The following ZC3H18 variants were observed in gnomAD, a reference collection of about 807,000 sequenced individuals.
The protein encoded by ZC3H18 is zinc finger CCCH-type containing 18, also known as zinc finger CCCH domain-containing protein 18.
In ZC3H18, 8 loss-of-function variants were observed where a neutral mutation model predicts 106.1. That is an observed-to-expected ratio of 0.08 (90% confidence interval 0.04 to 0.14). The LOEUF (loss-of-function observed/expected upper bound fraction) is 0.14, where lower values mean the gene tolerates loss of function less well. Among genes scored for constraint, ZC3H18 ranks in the 10% least tolerant of loss-of-function variants. The pLI is 1.00. For missense variants in ZC3H18, 1,318 were observed against 1,278.4 expected (o/e 1.03, Z -0.47); for synonymous variants, 635 against 522.1 (o/e 1.22, Z -2.95).
At chr16:88,585,820 G>A (rs1004060447) in intron 2 of ZC3H18, among the ~76,000 whole-genome samples, 3 of 152,054 alleles carry the variant, frequency 2.0e-5, no homozygotes, top group Non-Finnish European at 4.4e-5. Context: ...ACATGGGACC[G>A]GTGAGATTGG....
chr16:88,587,621 A>G (rs1367796188), intron 3 of ZC3H18: 1 of 1,533,806 alleles, frequency 6.5e-7, no homozygotes, highest in Non-Finnish European at 8.7e-7. Flanking sequence ...AAGGTACAAA[A>G]TACGCTATAT....
intron 1 of ZC3H18, among the ~76,000 whole-genome samples, chr16:88,573,434 A>G (rs1444959962): frequency 1.3e-5 from 2 of 152,100 alleles, no homozygotes. Context: ...GTCAGTGCGT[A>G]GAGGCCTTAG....
intron 8 of ZC3H18, among the ~76,000 whole-genome samples, chr16:88,615,613 C>A (rs1013610759): frequency 1.3e-5 from 2 of 152,210 alleles, no homozygotes; most frequent in African/African-American, 4.8e-5. Flanking sequence ...TTTCCAGATT[C>A]ACAAAATAGG....
At chr16:88,587,752 G>A (rs542386805) in intron 3 of ZC3H18, 10 of 823,620 alleles carry the variant, frequency 1.2e-5, no homozygotes, top group East Asian at 5.3e-5. Flanking sequence ...AGAGCTGTTC[G>A]GAACCTCCTC....
chr16:88,583,749 A>C (rs1358785187), intron 2 of ZC3H18, among the ~76,000 whole-genome samples: 1 of 152,166 alleles, frequency 6.6e-6, no homozygotes, highest in Non-Finnish European at 1.5e-5. Flanking sequence ...ACTCACCCTC[A>C]GTGTCCACGT....
At chr16:88,617,565 C>T (rs1354982347) in intron 8 of ZC3H18, among the ~76,000 whole-genome samples, 4 of 152,214 alleles carry the variant, frequency 2.6e-5, no homozygotes, top group Non-Finnish European at 5.9e-5. Context: ...TGATTGGGGA[C>T]CTTCCCGCAG....
At chr16:88,616,508 G>A (rs1905615192) in intron 8 of ZC3H18, among the ~76,000 whole-genome samples, 2 of 152,172 alleles carry the variant, frequency 1.3e-5, no homozygotes. Flanking sequence ...ACTCACCTTT[G>A]CGGGAGCCCT....
chr16:88,624,037 C>A lies in ZC3H18; in HGVS notation c.1873C>A (p.Pro625Thr). 6.2e-7 allele frequency: 1 copy of A among 1,614,090 alleles called. No homozygotes were observed. Among genetic ancestry groups the A allele is most frequent in the Non-Finnish European group, 8.5e-7 (1 of 1,179,962 alleles). Reference sequence around the variant, plus strand: ...ACCTTCCATCAGAACCAAGGGAGAGCCGGCCCCGCCGCCCGGGAAAGCAGG... The same window carrying A: ...ACCTTCCATCAGAACCAAGGGAGAGACGGCCCCGCCGCCCGGGAAAGCAGG... ...HRPSIRTKGE[P>T]APPPGKAGEK... The change falls in exon 11 of 18, where the codon CCG becomes ACG. Residue 625 changes from proline (P) to threonine (T), a missense_variant. Around this residue, in one of 6 missense-constraint regions of ZC3H18, gnomAD observed 848 missense variants for 821.7 expected, o/e 1.03. Transcript: ENST00000301011.
chr16:88,619,872 TGA>T (rs1905854302), intron 8 of ZC3H18, among the ~76,000 whole-genome samples: 1 of 152,210 alleles, frequency 6.6e-6, no homozygotes, highest in African/African-American at 2.4e-5. Context: ...GGTGTTAGGA[TGA>T]GAGTTATACA....
chr16:88,587,854 C>T (rs1376524687), intron 3 of ZC3H18, among the ~76,000 whole-genome samples: 2 of 152,214 alleles, frequency 1.3e-5, no homozygotes, highest in Non-Finnish European at 1.5e-5. Context: ...GCAGGCTGTG[C>T]TCTTAGAGCA....
At chr16:88,605,436 AG>A (rs900316916) in intron 6 of ZC3H18, among the ~76,000 whole-genome samples, 5 of 152,248 alleles carry the variant, frequency 3.3e-5, no homozygotes, top group Admixed American at 6.5e-5. Flanking sequence ...TGAGGGCAAG[AG>A]GCAGCAGGGG....
intron 2 of ZC3H18, among the ~76,000 whole-genome samples, chr16:88,579,018 G>C (rs571345605): frequency 6.6e-6 from 1 of 152,286 alleles, no homozygotes; most frequent in African/African-American, 2.4e-5. Context: ...GCATGCTGGC[G>C]TGCGTGCTCT....
At position 88,598,657 on chromosome 16, in the gene ZC3H18, C is replaced by T. The variant is rs1428849864; in HGVS notation, c.875C>T (p.Pro292Leu). The part of the protein sequence containing the change: ...PVVDEILPPP[P>L]PEPPTESAWE... ...GTTGATGAAATTTTGCCTCCACCCC[C>T]TCCAGAGCCCCCAACAGAGAGTGCC... The change falls in exon 5 of 18, where the codon CCT (proline) becomes CTT (leucine). Residue 292 changes from proline to leucine, a missense_variant. Coordinates refer to ENST00000301011, the MANE Select transcript of ZC3H18 (RefSeq NM_144604.4). 1 of 1,613,104 alleles carries T rather than the reference C, an allele frequency of 6.2e-7. No homozygotes were observed. Among genetic ancestry groups the T allele is most frequent in the Admixed American group, 1.7e-5 (1 of 59,932 alleles).
intron 1 of ZC3H18, among the ~76,000 whole-genome samples, chr16:88,575,157 C>T (rs989189445): frequency 7.5e-6 from 1 of 133,444 alleles, no homozygotes; most frequent in Non-Finnish European, 1.6e-5. Context: ...TTAATGATTT[C>T]CATTAACAGC....
intron 3 of ZC3H18, among the ~76,000 whole-genome samples, chr16:88,594,653 G>A (rs1233349102): frequency 1.3e-5 from 2 of 152,188 alleles, no homozygotes; most frequent in Non-Finnish European, 2.9e-5. Context: ...AGGTAAAAGG[G>A]GGCAATGATT....
At chr16:88,577,805 C>G in intron 2 of ZC3H18, 79 bp downstream of exon 2, 5 of 1,602,036 alleles carry the variant, frequency 3.1e-6, no homozygotes, top group Non-Finnish European at 4.3e-6. Flanking sequence ...AGGAGGGACT[C>G]TGTGTGGGAC....
chr16:88,631,564 C>T lies in ZC3H18; in HGVS notation c.*265C>T. The stretch of plus-strand genomic sequence containing the variant: ...CGGTTCTCATGTAAATTACAAGCCC[C>T]AGCCGCCAGCCCCGCCTTCTCTTCC... On this transcript the variant is annotated 3_prime_UTR_variant, in exon 18 of 18. Coordinates refer to ENST00000301011, the MANE Select transcript of ZC3H18 (RefSeq NM_144604.4). The T allele has an allele frequency of 1.8e-6, 1 of 562,034 alleles. No individual in the cohort carries two copies. Among genetic ancestry groups the T allele is most frequent in the South Asian group, 1.5e-5 (1 of 65,296 alleles). The allele number at this position is 562,034 out of a possible 1,614,324, so 34.8% of individuals were successfully genotyped here.
At chr16:88,630,693 C>G in intron 17 of ZC3H18, 112 bp downstream of exon 17, 1 of 819,248 alleles carries the variant, frequency 1.2e-6, no homozygotes. Context: ...GGAGGCGTCA[C>G]TACAGCTCCT....
At chr16:88,592,155 C>G (rs1303067037) in intron 3 of ZC3H18, among the ~76,000 whole-genome samples, 3 of 152,144 alleles carry the variant, frequency 2.0e-5, no homozygotes, top group African/African-American at 7.2e-5. Flanking sequence ...TGGGGGCTTC[C>G]AGTTTCTCCA....
Sources: allele counts gnomAD v4.1 joint callset (sites outside exome capture counted in the v4.1 genomes callset), GRCh38; gene constraint gnomAD v4.1.1; regional missense constraint gnomAD v4.1.1; transcripts MANE v1.5; gene names NCBI Gene and HGNC (gene_info 2026-07-23, HGNC 2026-07-21).